CDC42BPA: variants seen among roughly 807,000 people sequenced by gnomAD.
The protein encoded by CDC42BPA is serine/threonine-protein kinase MRCK alpha.
CDC42BPA carries 80 observed loss-of-function variants against 223.5 expected under a neutral mutation model. The observed-to-expected ratio is 0.36, with a 90% confidence interval of 0.30 to 0.43. CDC42BPA has a LOEUF of 0.43. Among genes scored for constraint, CDC42BPA ranks in the 20% least tolerant of loss-of-function variants. The pLI, the probability that CDC42BPA is intolerant of heterozygous loss-of-function variation, is 1.00. For synonymous variants in CDC42BPA, 694 were observed against 718.6 expected (o/e 0.97, Z 0.55); for missense variants, 1,743 against 2,099.9 (o/e 0.83, Z 3.32).
intron 3 of CDC42BPA, among the ~76,000 whole-genome samples, chr1:227,210,681 A>C (rs1453927055): frequency 6.6e-6 from 1 of 152,158 alleles, no homozygotes; most frequent in African/African-American, 2.4e-5. Context: ...ACTTTAATTC[A>C]ATTTTTTAAA....
chr1:227,063,962 T>G (rs1676464242), intron 21 of CDC42BPA, among the ~76,000 whole-genome samples: 1 of 152,190 alleles, frequency 6.6e-6, no homozygotes. Context: ...AATTAAATAT[T>G]TTGAAGCATC....
At chr1:227,311,737 A>G (rs77861152) in intron 1 of CDC42BPA, among the ~76,000 whole-genome samples, 1 of 151,022 alleles carries the variant, frequency 6.6e-6, no homozygotes, top group East Asian at 2.0e-4. Flanking sequence ...AAAAAAAAAA[A>G]TACCCTATCA....
chr1:227,251,481 T>C (rs1681999067), intron 2 of CDC42BPA, among the ~76,000 whole-genome samples: 2 of 152,096 alleles, frequency 1.3e-5, no homozygotes, highest in African/African-American at 4.8e-5. Flanking sequence ...CTAATTATAT[T>C]CTACTGAACA....
intron 27 of CDC42BPA, among the ~76,000 whole-genome samples, chr1:227,031,978 A>C (rs1241341777): frequency 1.3e-5 from 2 of 152,204 alleles, no homozygotes; most frequent in African/African-American, 2.4e-5. Flanking sequence ...CATTTCTCCA[A>C]GGACATACAA....
chr1:227,093,376 A>C (rs1170786812), intron 15 of CDC42BPA, among the ~76,000 whole-genome samples: 1 of 152,208 alleles, frequency 6.6e-6, no homozygotes, highest in African/African-American at 2.4e-5. Flanking sequence ...TGCAGTCCCC[A>C]AGACATGAGA....
intron 14 of CDC42BPA, among the ~76,000 whole-genome samples, chr1:227,111,406 T>C (rs1323526272): frequency 1.3e-5 from 2 of 152,242 alleles, no homozygotes; most frequent in South Asian, 2.1e-4. Context: ...ACTTATAATG[T>C]GTCAGCTTAC....
intron 16 of CDC42BPA, 125 bp from the exon 17 acceptor site, chr1:227,081,142 C>A: frequency 2.4e-6 from 2 of 850,728 alleles, no homozygotes; most frequent in Non-Finnish European, 3.6e-6. Context: ...TTATAATAAT[C>A]CCTTTTGCTC....
At chr1:227,024,946 A>G (rs1374635757) in intron 31 of CDC42BPA, among the ~76,000 whole-genome samples, 1 of 152,210 alleles carries the variant, frequency 6.6e-6, no homozygotes, top group Non-Finnish European at 1.5e-5. Context: ...AAATTACATG[A>G]TAAAAATCAA....
At chr1:227,262,591 GCCCT>G (rs1423346435) in intron 1 of CDC42BPA, among the ~76,000 whole-genome samples, 9 of 152,050 alleles carry the variant, frequency 5.9e-5, no homozygotes, top group Non-Finnish European at 1.3e-4. Flanking sequence ...ATGTATTCTG[GCCCT>G]TATTAAGTAT....
At chr1:227,267,932 G>A (rs112234891) in intron 1 of CDC42BPA, among the ~76,000 whole-genome samples, 22 of 152,146 alleles carry the variant, frequency 1.4e-4, no homozygotes, top group Admixed American at 3.3e-4. Flanking sequence ...CAAAAGACAT[G>A]GGAGAAAGAA....
chr1:227,276,236 C>T (rs1189558498), intron 1 of CDC42BPA, among the ~76,000 whole-genome samples: 3 of 150,198 alleles, frequency 2.0e-5, no homozygotes, highest in East Asian at 2.0e-4. Context: ...ATGTGAGGAG[C>T]GCCTCTGCCC....
chr1:227,161,310 A>T (rs1663845470), intron 5 of CDC42BPA, among the ~76,000 whole-genome samples: 1 of 152,222 alleles, frequency 6.6e-6, no homozygotes, highest in Non-Finnish European at 1.5e-5. Flanking sequence ...TCTGTAAAGA[A>T]GATTCTCAGG....
chr1:227,045,611 A>AT (rs1289523011), intron 23 of CDC42BPA, among the ~76,000 whole-genome samples: 10 of 151,920 alleles, frequency 6.6e-5, no homozygotes, highest in Admixed American at 6.6e-4. Context: ...TGGATTTCTC[A>AT]TATTTTCTTT....
chr1:227,247,297 C>G (rs1259163940), intron 2 of CDC42BPA, among the ~76,000 whole-genome samples: 1 of 151,562 alleles, frequency 6.6e-6, no homozygotes, highest in Admixed American at 6.6e-5. Context: ...AAAGACCAGC[C>G]TGGCCAACAT....
rs200326381 is a variant in CDC42BPA, at chr1:227,101,216, T to C, written c.2025A>G (p.Pro675=). 7.3e-5 allele frequency: 114 copies of C among 1,559,758 alleles called. No homozygotes were observed. The East Asian group carries it at 2.5e-3, about 35-fold the overall frequency. ...GLKQKQISYS[P]GVCSIEHQQE... is the part of the protein sequence containing the mutation. The stretch of plus-strand genomic sequence containing the variant: ...GCTGATGTTCTATGCTGCATACTCC[T>C]GGTGAGTAACTAATTTGTTTTTGCT... The change falls in exon 15 of 37, where the codon CCA becomes CCG. Residue 675 remains proline, a synonymous_variant. Transcript: ENST00000366766.
intron 1 of CDC42BPA, among the ~76,000 whole-genome samples, chr1:227,283,329 TA>T (rs1688295424): frequency 6.6e-6 from 1 of 152,112 alleles, no homozygotes; most frequent in Admixed American, 6.6e-5. Context: ...GAGAGAAATA[TA>T]AATGAGTGAA....
At chr1:227,283,383 T>A (rs945217952) in intron 1 of CDC42BPA, among the ~76,000 whole-genome samples, 1 of 152,120 alleles carries the variant, frequency 6.6e-6, no homozygotes, top group Admixed American at 6.5e-5. Context: ...ACTCTTCATA[T>A]CCTATGAAAA....
intron 3 of CDC42BPA, among the ~76,000 whole-genome samples, chr1:227,201,135 TA>T (rs11338953): frequency 0.69 from 104,203 of 151,626 alleles, 36,005 homozygotes; most frequent in South Asian, 0.73. Flanking sequence ...TGAACAAAAA[TA>T]AAAAAATAAT....
Position 227,270,778 on chromosome 1 carries a change from T to A in CDC42BPA, c.179-16623A>T, listed in dbSNP as rs188699392. ...ACCACATCCCATGCCTGGTAACCAC[T>A]AATCTACATTCTGTCTCTACGGAAT... On this transcript the variant is annotated intron_variant, in intron 1 of 36. Transcript: ENST00000366766. 8.1e-4 allele frequency among the ~76,000 whole-genome samples: 124 copies of A among 152,258 alleles called. 1 individual carries two copies. The highest frequency in any genetic ancestry group is 2.8e-3 in the African/African-American group (118 of 41,556).
Sources: allele counts gnomAD v4.1 joint callset (sites outside exome capture counted in the v4.1 genomes callset), GRCh38; gene constraint gnomAD v4.1.1; transcripts MANE v1.5; gene names NCBI Gene and HGNC (gene_info 2026-07-23, HGNC 2026-07-21).